The following TMPRSS11A variants were observed in gnomAD, a reference collection of about 807,000 sequenced individuals.
TMPRSS11A encodes transmembrane serine protease 11A.
TMPRSS11A carries 53 observed loss-of-function variants against 58.9 expected under a neutral mutation model. That is an observed-to-expected ratio of 0.90 (90% confidence interval 0.72 to 1.13). The LOEUF (loss-of-function observed/expected upper bound fraction) is 1.13, where lower values mean the gene tolerates loss of function less well. TMPRSS11A is among the 50% of genes most tolerant of loss of function. The pLI, the probability that TMPRSS11A is intolerant of heterozygous loss-of-function variation, is 0.00. For synonymous variants in TMPRSS11A, 167 were observed against 169.8 expected (o/e 0.98, Z 0.13); for missense variants, 493 against 499.3 (o/e 0.99, Z 0.12).
intron 7 of TMPRSS11A, among the ~76,000 whole-genome samples, chr4:67,920,811 C>A (rs1720305591): frequency 6.6e-6 from 1 of 151,898 alleles, no homozygotes. Context: ...ATAGAATCAA[C>A]CTAAATGCCC....
chr4:67,948,385 C>T (rs1279880756), intron 1 of TMPRSS11A, among the ~76,000 whole-genome samples: 10 of 152,068 alleles, frequency 6.6e-5, no homozygotes, highest in African/African-American at 1.9e-4. Context: ...GTCTCCATCT[C>T]CTGACCTGGT....
chr4:67,922,269 A>G (rs1392510266), intron 7 of TMPRSS11A, among the ~76,000 whole-genome samples: 1 of 152,200 alleles, frequency 6.6e-6, no homozygotes, highest in Non-Finnish European at 1.5e-5. Flanking sequence ...TCATATGTCA[A>G]TGCTCTAAAT....
rs67302217 is a variant in TMPRSS11A at position 67,930,808 on chromosome 4, C to CTTTTTTTTT, written c.321-777_321-769dup. Among the ~76,000 whole-genome samples the CTTTTTTTTT allele has an allele frequency of 9.2e-4, 47 of 51,154 alleles. 1 individual carries two copies. The highest frequency in any genetic ancestry group is 1.4e-3 in the Non-Finnish European group (43 of 30,796). The allele number at this position is 51,154 out of a possible 152,430, so 33.6% of individuals were successfully genotyped here. A position where few individuals can be genotyped will look rare whatever the true frequency, so the allele number is the denominator to read the frequency against. On this transcript the variant is annotated intron_variant, in intron 4 of 9. Coordinates refer to ENST00000508048, the MANE Select transcript of TMPRSS11A (RefSeq NM_001114387.2). ...AATATATATTGATCTGTTATCTCTC[C>CTTTTTTTTT]TTTTTTTTTTTTTTTTTTTTTACAA...
chr4:67,920,858 A>G (rs1017565615), intron 7 of TMPRSS11A, among the ~76,000 whole-genome samples: 2 of 152,166 alleles, frequency 1.3e-5, no homozygotes, highest in African/African-American at 4.8e-5. Flanking sequence ...TGTGGTATAC[A>G]TACACCATGG....
intron 8 of TMPRSS11A, among the ~76,000 whole-genome samples, chr4:67,917,612 T>G (rs1048170582): frequency 6.6e-6 from 1 of 152,182 alleles, no homozygotes; most frequent in African/African-American, 2.4e-5. Context: ...TTTAATAGAT[T>G]AAAAGCACCT....
At chr4:67,950,816 T>G (rs1461131530) in intron 1 of TMPRSS11A, among the ~76,000 whole-genome samples, 1 of 152,236 alleles carries the variant, frequency 6.6e-6, no homozygotes, top group African/African-American at 2.4e-5. Flanking sequence ...GAAGTAGTAA[T>G]TTTGGAAATA....
At chr4:67,940,553 G>A (rs1006325110) in intron 3 of TMPRSS11A, among the ~76,000 whole-genome samples, 3 of 152,062 alleles carry the variant, frequency 2.0e-5, no homozygotes, top group East Asian at 3.9e-4. Flanking sequence ...AGTCTCAGAC[G>A]ATCTTTTGTA....
intron 3 of TMPRSS11A, among the ~76,000 whole-genome samples, chr4:67,934,854 T>G (rs564671465): frequency 6.6e-6 from 1 of 152,264 alleles, no homozygotes; most frequent in East Asian, 1.9e-4. Flanking sequence ...CTTACAGCAG[T>G]CAATGTATTC....
chr4:67,951,150 C>G (rs139255893), intron 1 of TMPRSS11A, among the ~76,000 whole-genome samples: 1 of 152,294 alleles, frequency 6.6e-6, no homozygotes, highest in Non-Finnish European at 1.5e-5. Flanking sequence ...TCCAATTAGA[C>G]CAATCCAAAT....
chr4:67,946,697 C>A (rs1721025155), intron 1 of TMPRSS11A, 126 bp from the exon 2 acceptor site: 6 of 911,322 alleles, frequency 6.6e-6, no homozygotes, highest in Non-Finnish European at 9.2e-6. Context: ...TAATTTTGTT[C>A]AATGTCATCT....
chr4:67,917,538 G>A (rs548403602), intron 8 of TMPRSS11A, among the ~76,000 whole-genome samples: 1 of 152,168 alleles, frequency 6.6e-6, no homozygotes, highest in African/African-American at 2.4e-5. Context: ...GGTGAGTAAC[G>A]AATGGCTGCT....
intron 3 of TMPRSS11A, among the ~76,000 whole-genome samples, chr4:67,938,005 C>T (rs988672038): frequency 6.6e-6 from 1 of 152,142 alleles, no homozygotes. Flanking sequence ...AGTGGCTGAA[C>T]CCATTTACGT....
intron 1 of TMPRSS11A, among the ~76,000 whole-genome samples, chr4:67,961,476 T>C (rs1225434722): frequency 1.3e-4 from 7 of 54,092 alleles, no homozygotes; most frequent in Non-Finnish European, 2.3e-4. Context: ...CCTTTCCTTT[T>C]CTTTTCCTTT....
At chr4:67,963,292 A>G in intron 1 of TMPRSS11A, 91 bp downstream of exon 1, 1 of 1,187,996 alleles carries the variant, frequency 8.4e-7, no homozygotes, top group Non-Finnish European at 1.2e-6. Flanking sequence ...CACCAAAGAC[A>G]CCTCACTAGC....
chr4:67,946,462 A>G lies in TMPRSS11A; in HGVS notation c.121T>C (p.Phe41Leu), dbSNP rs777094790. The G allele has an allele frequency of 2.5e-6, 4 of 1,603,758 alleles. No homozygotes were observed. The highest frequency in any genetic ancestry group is 1.7e-4 in the Middle Eastern group (1 of 6,038). The change falls in exon 2 of 10, where the codon TTC (phenylalanine) becomes CTC (leucine). Residue 41 changes from phenylalanine (F) to leucine (L), a missense_variant. Phe to Leu is a conservative substitution (Grantham distance 22, BLOSUM62 0). Transcript: ENST00000508048. ...VAVTIGLLVH[F>L]LVFDQKKEYY... Reference sequence around the variant, plus strand: ...TAATTTTACCTACCAAATACTAGGAAGTGAACCAGGAGACCTATGGTCACT... The same window carrying G: ...TAATTTTACCTACCAAATACTAGGAGGTGAACCAGGAGACCTATGGTCACT...
intron 1 of TMPRSS11A, among the ~76,000 whole-genome samples, chr4:67,959,320 CA>C (rs5859111): frequency 0.62 from 93,934 of 151,964 alleles, 32,756 homozygotes; most frequent in East Asian, 0.83. Flanking sequence ...TGAAGAATTC[CA>C]AAAGCAATTG....
chr4:67,916,189 AT>A (rs1720140504), intron 8 of TMPRSS11A, among the ~76,000 whole-genome samples: 1 of 152,186 alleles, frequency 6.6e-6, no homozygotes, highest in Non-Finnish European at 1.5e-5. Flanking sequence ...AGTTAACTAG[AT>A]TTAACACTCA....
intron 8 of TMPRSS11A, among the ~76,000 whole-genome samples, chr4:67,916,062 AC>A (rs956207147): frequency 6.6e-6 from 1 of 152,070 alleles, no homozygotes; most frequent in Non-Finnish European, 1.5e-5. Context: ...CCCTGTAAAG[AC>A]CCCCAGCTTC....
chr4:67,929,894 G>A lies in TMPRSS11A; in HGVS notation c.467C>T (p.Ser156Leu). ...NLRALPINASSVQVNAMSSST... is the reference protein window; with the variant it reads ...NLRALPINASLVQVNAMSSST... ...GACCTCCTTACCATTAACTTGAACT[G>A]ATGAGGCATTTATTGGCAAGGCTCT... Residue 156 changes from serine to leucine, a missense_variant, in exon 5 of 10, where the codon TCA (serine) becomes TTA (leucine). Transcript: ENST00000508048. The A allele has an allele frequency of 2.5e-6, 4 of 1,612,404 alleles. No homozygotes were observed. Among genetic ancestry groups the A allele is most frequent in the Non-Finnish European group, 3.4e-6 (4 of 1,178,980 alleles).
Sources: allele counts gnomAD v4.1 joint callset (sites outside exome capture counted in the v4.1 genomes callset), GRCh38; gene constraint gnomAD v4.1.1; transcripts MANE v1.5; gene names NCBI Gene and HGNC (gene_info 2026-07-23, HGNC 2026-07-21).